The following IL15 variants were observed in gnomAD, a reference collection of about 807,000 sequenced individuals.
IL15 encodes the protein interleukin 15.
IL15 carries 11 observed loss-of-function variants against 19.6 expected under a neutral mutation model. The ratio of observed to expected loss-of-function variants is 0.56; its 90% CI spans 0.35 to 0.93. The LOEUF (loss-of-function observed/expected upper bound fraction) is 0.93. Among genes scored for constraint, IL15 ranks in the 40% least tolerant of loss-of-function variants. IL15 has a pLI of 0.01. For missense variants in IL15, 197 were observed against 186.5 expected, an observed-to-expected ratio of 1.06 and a Z score of -0.33; for synonymous variants, 58 against 59.6, an observed-to-expected ratio of 0.97 and a Z score of 0.12.
chr4:141,651,640 A>G lies in IL15; in HGVS notation c.-221-4546A>G, dbSNP rs74367531. ...ACCACATTTAATGTTAGTTTCCTAG[A>G]AGTATGTTTTATAACTGAATAGAGA... On this transcript the variant is annotated intron_variant, in intron 1 of 7. Coordinates refer to ENST00000320650, the MANE Select transcript of IL15 (RefSeq NM_000585.5). Among the ~76,000 whole-genome samples, 655 of 152,158 alleles carry G rather than the reference A, an allele frequency of 4.3e-3. 7 individuals carry two copies. The highest frequency in any genetic ancestry group is 0.015 in the African/African-American group (613 of 41,518).
At chr4:141,638,532 G>A (rs116010868) in intron 1 of IL15, among the ~76,000 whole-genome samples, 519 of 152,300 alleles carry the variant, frequency 3.4e-3, no homozygotes, top group Admixed American at 6.9e-3. Context: ...TATAGTTCTG[G>A]TTGGAATTTT....
intron 1 of IL15, among the ~76,000 whole-genome samples, chr4:141,644,943 T>C (rs1160326359): frequency 1.3e-5 from 2 of 152,174 alleles, no homozygotes; most frequent in East Asian, 1.9e-4. Flanking sequence ...CCTCTGTGGC[T>C]CTTAACTTCA....
chr4:141,651,401 T>C (rs1278972157), intron 1 of IL15, among the ~76,000 whole-genome samples: 1 of 152,012 alleles, frequency 6.6e-6, no homozygotes, highest in East Asian at 1.9e-4. Context: ...ACATAGAATG[T>C]GGAATAATAG....
intron 7 of IL15, among the ~76,000 whole-genome samples, chr4:141,730,696 T>C (rs1196368345): frequency 2.0e-5 from 3 of 152,168 alleles, no homozygotes; most frequent in Admixed American, 2.0e-4. Flanking sequence ...ACTCGTATGA[T>C]AGGCTGGGGA....
At chr4:141,729,731 G>T in intron 6 of IL15, 116 bp from the exon 7 acceptor site, 1 of 614,266 alleles carries the variant, frequency 1.6e-6, no homozygotes. Context: ...AATTTCTTAA[G>T]GATATTGTGT....
Position 141,644,302 on chromosome 4 carries a change from A to G in IL15, c.-222+7554A>G, listed in dbSNP as rs141023657. Among the ~76,000 whole-genome samples, 1,179 of 152,184 alleles carry G rather than the reference A, an allele frequency of 7.7e-3. 5 individuals carry two copies. The highest frequency in any genetic ancestry group is 0.021 in the Middle Eastern group (6 of 292). ...CATAAAACAAGAACAAAACAAAACA[A>G]CACCCCCAGAACTTAGTGACTTGAA... On this transcript the variant is annotated intron_variant, in intron 1 of 7. Transcript: ENST00000320650.
intron 2 of IL15, among the ~76,000 whole-genome samples, chr4:141,678,185 C>T (rs1431140779): frequency 6.6e-6 from 1 of 152,242 alleles, no homozygotes; most frequent in East Asian, 1.9e-4. Context: ...GAAATGCATA[C>T]GTTAGGTTTT....
chr4:141,679,363 A>G (rs966001620), intron 2 of IL15, among the ~76,000 whole-genome samples: 3 of 152,228 alleles, frequency 2.0e-5, no homozygotes, highest in Non-Finnish European at 4.4e-5. Context: ...TCTCATAAAG[A>G]CATGGAAACA....
intron 1 of IL15, among the ~76,000 whole-genome samples, chr4:141,638,870 G>A (rs1303059816): frequency 6.6e-6 from 1 of 152,116 alleles, no homozygotes; most frequent in Non-Finnish European, 1.5e-5. Context: ...ACCCAAAAGA[G>A]TTTTAAATCT....
chr4:141,695,959 T>C (rs759565595), intron 2 of IL15, among the ~76,000 whole-genome samples: 1 of 152,118 alleles, frequency 6.6e-6, no homozygotes, highest in East Asian at 1.9e-4. Flanking sequence ...TTTGATATAA[T>C]CTCATTTTCC....
At chr4:141,651,894 TA>T (rs1428485864) in intron 1 of IL15, among the ~76,000 whole-genome samples, 1 of 152,022 alleles carries the variant, frequency 6.6e-6, no homozygotes, top group African/African-American at 2.4e-5. Flanking sequence ...CCACTGCCAA[TA>T]AAACCCTCCA....
At chr4:141,649,889 A>G (rs1261296497) in intron 1 of IL15, among the ~76,000 whole-genome samples, 1 of 152,116 alleles carries the variant, frequency 6.6e-6, no homozygotes, top group Admixed American at 6.6e-5. Flanking sequence ...AACTGACTAA[A>G]GTATATCTAT....
chr4:141,692,852 A>G (rs982593822), intron 2 of IL15, among the ~76,000 whole-genome samples: 5 of 151,780 alleles, frequency 3.3e-5, no homozygotes, highest in African/African-American at 1.2e-4. Flanking sequence ...ACGTCTGCCT[A>G]TTACCCAGTT....
chr4:141,696,826 A>G (rs1319079994), intron 2 of IL15, among the ~76,000 whole-genome samples: 3 of 151,332 alleles, frequency 2.0e-5, no homozygotes, highest in African/African-American at 7.3e-5. Context: ...GGAATTATTT[A>G]TTTTTGTCCT....
intron 2 of IL15, among the ~76,000 whole-genome samples, chr4:141,708,235 G>A (rs1729591428): frequency 6.6e-6 from 1 of 152,216 alleles, no homozygotes; most frequent in African/African-American, 2.4e-5. Context: ...GGTGTGCCAT[G>A]TGAGTTTGGA....
rs145601890 is a variant in IL15 at position 141,655,021 on chromosome 4, A to G, written c.-221-1165A>G. Among the ~76,000 whole-genome samples the G allele has an allele frequency of 9.7e-4, 148 of 152,284 alleles. 1 individual carries two copies. The highest frequency in any genetic ancestry group is 3.2e-3 in the African/African-American group (133 of 41,556). ...CTCCTTTTAGAAGCTCAGGAAGCAA[A>G]CAGGTATAGACAAACAGCTATAGCA... On this transcript the variant is annotated intron_variant, in intron 1 of 7. Coordinates refer to ENST00000320650, the MANE Select transcript of IL15 (RefSeq NM_000585.5).
At chr4:141,688,496 T>G (rs1198356320) in intron 2 of IL15, among the ~76,000 whole-genome samples, 1 of 152,198 alleles carries the variant, frequency 6.6e-6, no homozygotes, top group African/African-American at 2.4e-5. Context: ...AGTGCTATAA[T>G]TGCTGTATGT....
Position 141,729,951 on chromosome 4 carries a change from C to T in IL15, c.345C>T (p.Ile115=). Residue 115 remains isoleucine, a synonymous_variant, in exon 7 of 8, where the codon ATC becomes ATT. Transcript: ENST00000320650. ...ASIHDTVENL[I]ILANNSLSSN... ...TTCATGATACAGTAGAAAATCTGAT[C>T]ATCCTAGCAAACAACAGTTTGTCTT... is the stretch of plus-strand genomic sequence containing the variant. The T allele has an allele frequency of 1.9e-6, 3 of 1,606,414 alleles. No homozygotes were observed. The highest frequency in any genetic ancestry group is 2.6e-6 in the Non-Finnish European group (3 of 1,173,214).
chr4:141,681,978 G>A (rs571350818), intron 2 of IL15, among the ~76,000 whole-genome samples: 9 of 152,256 alleles, frequency 5.9e-5, no homozygotes, highest in African/African-American at 1.9e-4. Flanking sequence ...TATAGCTCAG[G>A]TTGAAGTAAT....
Sources: gnomAD v4.1 joint callset for allele counts (sites outside exome capture counted in the v4.1 genomes callset) on GRCh38, gnomAD v4.1.1 for gene constraint, MANE v1.5 for transcripts, NCBI Gene and HGNC (gene_info 2026-07-23, HGNC 2026-07-21) for gene names.